The following RBFOX1 variants were observed in gnomAD, a reference collection of about 807,000 sequenced individuals.
RBFOX1 encodes RNA binding fox-1 homolog 1.
A neutral mutation model predicts 57.7 loss-of-function variants in RBFOX1; 8 were observed. The observed-to-expected ratio is 0.14, with a 90% CI of 0.08 to 0.25. The LOEUF (loss-of-function observed/expected upper bound fraction) is 0.25. Among genes scored for constraint, RBFOX1 ranks in the 10% least tolerant of loss-of-function variants. The probability of loss-of-function intolerance (pLI) is 1.00; values close to 1 mark genes in which losing one functional copy is unlikely to be tolerated. For synonymous variants in RBFOX1, 326 were observed against 222.4 expected (o/e 1.47, Z -4.15); for missense variants, 611 against 548.5 (o/e 1.11, Z -1.14).
At chr16:6,767,950 G>GAAGAAGAA (rs2077626992) in intron 3 of RBFOX1, among the ~76,000 whole-genome samples, 1 of 105,246 alleles carries the variant, frequency 9.5e-6, no homozygotes. Context: ...ATAATAATAA[G>GAAGAAGAA]AAGAAGAAGA....
intron 4 of RBFOX1, among the ~76,000 whole-genome samples, chr16:7,198,449 C>G (rs953171702): frequency 6.6e-6 from 1 of 152,174 alleles, no homozygotes; most frequent in Non-Finnish European, 1.5e-5. Context: ...TGAATTCCAC[C>G]TCCATTGCAA....
chr16:7,511,066 T>C (rs1177988659), intron 4 of RBFOX1, among the ~76,000 whole-genome samples: 1 of 152,172 alleles, frequency 6.6e-6, no homozygotes, highest in Non-Finnish European at 1.5e-5. Flanking sequence ...CACACACACA[T>C]ACCCACACAG....
At chr16:6,641,709 TG>T (rs1485513342) in intron 2 of RBFOX1, among the ~76,000 whole-genome samples, 1 of 115,688 alleles carries the variant, frequency 8.6e-6, no homozygotes, top group Non-Finnish European at 1.8e-5. Context: ...CAATTCAGCC[TG>T]GGTGACAGAG....
chr16:5,330,592 A>T (rs185329518), intron 1 of RBFOX1, among the ~76,000 whole-genome samples: 1 of 152,010 alleles, frequency 6.6e-6, no homozygotes, highest in Non-Finnish European at 1.5e-5. Context: ...TCTAGTAGAG[A>T]TGGAGATTCA....
chr16:6,808,862 G>A lies in RBFOX1; in HGVS notation c.-16+154212G>A, dbSNP rs545432974. On this transcript the variant is annotated intron_variant, in intron 3 of 15. Transcript: ENST00000550418. ...ACCTCTTACCAAGGGAATACTTCCT[G>A]TAACACCTTTAGCAGGGAACAATAT... Among the ~76,000 whole-genome samples, 3 of 152,240 alleles carry A rather than the reference G, an allele frequency of 2.0e-5. No homozygotes were observed. In the South Asian group the frequency reaches 6.2e-4, roughly 32 times the overall value.
chr16:7,337,616 A>C (rs2096816125), intron 4 of RBFOX1, among the ~76,000 whole-genome samples: 3 of 152,308 alleles, frequency 2.0e-5, no homozygotes, highest in Admixed American at 2.0e-4. Flanking sequence ...GCAAGCTCAC[A>C]AAAGAATGGG....
rs77137498 is a variant in RBFOX1, at chr16:5,624,129, G to A, written c.318+25168G>A. 5.5e-3 allele frequency among the ~76,000 whole-genome samples: 841 copies of A among 152,286 alleles called. 3 individuals carry two copies. Among genetic ancestry groups the A allele is most frequent in the Non-Finnish European group, 9.4e-3 (638 of 68,014 alleles). On this transcript the variant is annotated intron_variant, in intron 3 of 19. Transcript: ENST00000641259. The stretch of plus-strand genomic sequence containing the variant: ...GGAAAAGCAAAGGAGAACATTTTAG[G>A]TCACTTTTAATACTCGAAGGTTTCA...
intron 1 of RBFOX1, among the ~76,000 whole-genome samples, chr16:5,361,850 A>G (rs764174217): frequency 1.4e-4 from 22 of 152,360 alleles, no homozygotes; most frequent in Middle Eastern, 3.4e-3. Context: ...TTCTGAGGCT[A>G]GCCTATGGGC....
rs1042965503 is a variant in RBFOX1 at position 7,168,412 on chromosome 16, A to G, written c.27+116314A>G. 2.0e-5 allele frequency among the ~76,000 whole-genome samples: 3 copies of G among 152,186 alleles called. No individual in the cohort carries two copies. In the East Asian group the frequency reaches 5.8e-4, roughly 30 times the overall value. The stretch of plus-strand genomic sequence containing the variant: ...GAGTGTACCTCAAACCTCAACAGCC[A>G]CATTGTCCACCAATTCTCATTGCAT... On this transcript the variant is annotated intron_variant, in intron 4 of 15. Transcript: ENST00000550418.
chr16:5,326,453 TTC>T (rs1330230557), intron 1 of RBFOX1, among the ~76,000 whole-genome samples: 1 of 152,206 alleles, frequency 6.6e-6, no homozygotes, highest in African/African-American at 2.4e-5. Flanking sequence ...AGAACAGTGT[TTC>T]TGTTGCATTC....
At chr16:5,463,116 A>G (rs2068842668) in intron 1 of RBFOX1, among the ~76,000 whole-genome samples, 1 of 152,250 alleles carries the variant, frequency 6.6e-6, no homozygotes, top group Non-Finnish European at 1.5e-5. Flanking sequence ...AATGGTTAGA[A>G]GAATACACGT....
intron 1 of RBFOX1, among the ~76,000 whole-genome samples, chr16:6,137,373 C>T (rs940210145): frequency 2.6e-5 from 4 of 152,036 alleles, no homozygotes; most frequent in Non-Finnish European, 4.4e-5. Context: ...GGCGTGATCC[C>T]GGCTCACTGC....
intron 4 of RBFOX1, among the ~76,000 whole-genome samples, chr16:7,419,676 A>G (rs2056358495): frequency 1.3e-5 from 2 of 151,964 alleles, no homozygotes; most frequent in Non-Finnish European, 2.9e-5. Flanking sequence ...TTCAAAATTG[A>G]CTTGCTCTCC....
At chr16:7,479,739 G>A (rs2063501082) in intron 4 of RBFOX1, among the ~76,000 whole-genome samples, 1 of 151,416 alleles carries the variant, frequency 6.6e-6, no homozygotes, top group South Asian at 2.1e-4. Flanking sequence ...TAGGTGATTG[G>A]AGCTGGAATT....
chr16:6,292,420 C>G (rs1012202642), intron 1 of RBFOX1, among the ~76,000 whole-genome samples: 1 of 150,220 alleles, frequency 6.7e-6, no homozygotes, highest in Non-Finnish European at 1.5e-5. Flanking sequence ...TTTTCTCAGA[C>G]AAAAGTAGTT....
At chr16:5,791,646 T>G (rs1457730349) in intron 3 of RBFOX1, among the ~76,000 whole-genome samples, 1 of 152,170 alleles carries the variant, frequency 6.6e-6, no homozygotes, top group Non-Finnish European at 1.5e-5. Flanking sequence ...ATAGCAAGTA[T>G]TAGAGCTGAA....
At position 5,946,932 on chromosome 16, in the gene RBFOX1, G is replaced by T. The variant is rs943783981; in HGVS notation, c.351+79597G>T. 6.6e-6 allele frequency among the ~76,000 whole-genome samples: 1 copy of T among 152,160 alleles called. No homozygotes were observed. The highest frequency in any genetic ancestry group is 1.9e-4 in the East Asian group (1 of 5,188). ...CAGAGTTTTCTCTGTTAGAAGAAAGGCCAGAGCAGTGGCTCACAGCCGTAA... is the reference window on the plus strand; with the variant it reads ...CAGAGTTTTCTCTGTTAGAAGAAAGTCCAGAGCAGTGGCTCACAGCCGTAA... On this transcript the variant is annotated intron_variant, in intron 4 of 19. Transcript: ENST00000641259. This position sits in a 1 kb window ranked among gnomAD's most constrained non-coding sequence, Gnocchi z 4.6.
At chr16:7,239,380 T>G (rs1221607583) in intron 4 of RBFOX1, among the ~76,000 whole-genome samples, 1 of 152,184 alleles carries the variant, frequency 6.6e-6, no homozygotes, top group African/African-American at 2.4e-5. Context: ...ATGCCTGTAA[T>G]CCCAGTTACT....
At chr16:5,877,901 A>T (rs2057655660) in intron 4 of RBFOX1, among the ~76,000 whole-genome samples, 1 of 152,140 alleles carries the variant, frequency 6.6e-6, no homozygotes, top group Admixed American at 6.5e-5. Flanking sequence ...GGCGTGTCTT[A>T]TGGAAAGCTG....
Sources: gnomAD v4.1 joint callset for allele counts (sites outside exome capture counted in the v4.1 genomes callset) on GRCh38, gnomAD v4.1.1 for gene constraint, Gnocchi (gnomAD v3.1) non-coding constraint, MANE v1.5 for transcripts, NCBI Gene and HGNC (gene_info 2026-07-23, HGNC 2026-07-21) for gene names.